The following CAMK1 variants were observed in gnomAD, a reference collection of about 807,000 sequenced individuals.
CAMK1 encodes calcium/calmodulin dependent protein kinase I.
CAMK1 carries 39 observed loss-of-function variants against 49.1 expected under a neutral mutation model. The ratio of observed to expected loss-of-function variants is 0.79; its 90% CI spans 0.62 to 1.04. The LOEUF (loss-of-function observed/expected upper bound fraction) is 1.04. Ranked by LOEUF, CAMK1 falls within the 50% of genes least tolerant of loss-of-function variation. CAMK1 has a pLI of 0.00. For synonymous variants in CAMK1, 192 were observed against 185.2 expected, an observed-to-expected ratio of 1.04 and a Z score of -0.30; for missense variants, 457 against 472.2, an observed-to-expected ratio of 0.97 and a Z score of 0.30.
At chr3:9,767,183 A>T (rs2078178498) in intron 2 of CAMK1, among the ~76,000 whole-genome samples, 1 of 152,198 alleles carries the variant, frequency 6.6e-6, no homozygotes, top group Non-Finnish European at 1.5e-5. Context: ...TCCCCCAGGC[A>T]GAAGGCACAG....
intron 3 of CAMK1, 105 bp from the exon 4 acceptor site, chr3:9,763,318 A>T: frequency 7.2e-7 from 1 of 1,385,792 alleles, no homozygotes; most frequent in Non-Finnish European, 1.0e-6. Context: ...ACTTGGCCCC[A>T]GCAGTTCAAA....
At chr3:9,764,636 T>G (rs1288336831) in intron 3 of CAMK1, among the ~76,000 whole-genome samples, 11 of 147,696 alleles carry the variant, frequency 7.4e-5, no homozygotes, top group East Asian at 2.0e-4. Context: ...TTGTTTTTTT[T>G]TTTTTTTTTG....
At chr3:9,767,271 G>A (rs2078179977) in intron 2 of CAMK1, among the ~76,000 whole-genome samples, 1 of 152,106 alleles carries the variant, frequency 6.6e-6, no homozygotes, top group Non-Finnish European at 1.5e-5. Context: ...ATTTTCTGTA[G>A]GTCTGTCTCT....
At chr3:9,760,486 G>T (rs1291732122) in intron 8 of CAMK1, 170 bp downstream of exon 8, 2 of 607,950 alleles carry the variant, frequency 3.3e-6, no homozygotes, top group Non-Finnish European at 5.9e-6. Context: ...CAAGCAGAAG[G>T]AAGTACCCAA....
At chr3:9,758,880 T>C in intron 10 of CAMK1, 1 of 362,874 alleles carries the variant, frequency 2.8e-6, no homozygotes, top group Admixed American at 3.9e-5. Context: ...TCCAACCACC[T>C]CGGCCTCCCA....
rs2077631973 is a variant in CAMK1 at position 9,757,455 on chromosome 3, G to A, written c.*84C>T. 6.2e-7 allele frequency: 1 copy of A among 1,603,658 alleles called. No homozygotes were observed. The highest frequency in any genetic ancestry group is 8.5e-7 in the Non-Finnish European group (1 of 1,173,348). On this transcript the variant is annotated 3_prime_UTR_variant, in exon 12 of 12. Transcript: ENST00000256460. The surrounding 1 kb of genome is among the most constrained non-coding windows in gnomAD (Gnocchi z 4.5). ...GCAGGTGAGGAGGGGACAGGGCAGA[G>A]AAACTCCCGGTTCAGGGAGGGAAGG... is the stretch of plus-strand genomic sequence containing the variant.
chr3:9,763,325 C>T, intron 3 of CAMK1, 112 bp from the exon 4 acceptor site: 1 of 1,250,528 alleles, frequency 8.0e-7, no homozygotes, highest in Non-Finnish European at 1.1e-6. Context: ...CCCAGCAGTT[C>T]AAAGCTGCAG....
chr3:9,760,181 T>A (rs1343563900), intron 8 of CAMK1: 1 of 194,890 alleles, frequency 5.1e-6, no homozygotes, highest in Non-Finnish European at 1.1e-5. Flanking sequence ...AGACAGAGGT[T>A]GCAGTGAGCC....
In CAMK1 at chr3:9,766,307, C is replaced by T. The variant is rs1575261031; in HGVS notation, c.84-417G>A. 6 of 697,864 alleles carry T rather than the reference C, an allele frequency of 8.6e-6. No homozygotes were observed. The East Asian group carries it at 1.4e-4, about 16-fold the overall frequency. The allele number at this position is 697,864 out of a possible 1,614,324, so 43.2% of individuals were successfully genotyped here. A position where few individuals can be genotyped will look rare whatever the true frequency, so the allele number is the denominator to read the frequency against. On this transcript the variant is annotated intron_variant, in intron 2 of 11. Transcript: ENST00000256460. ...CATTATGTGGCCCTCTGGATCCAGC[C>T]ATGCCTGAGGTCTACCCCTGGGCTT... is the stretch of plus-strand genomic sequence containing the variant.
rs752350819 is a variant in CAMK1 at position 9,759,482 on chromosome 3, A to T, written c.912+6T>A. The stretch of plus-strand genomic sequence containing the variant: ...GCTGGGACCAGAACTAGGGATATGG[A>T]CTCACCTTCCACTTGCTCTTGGCAA... On this transcript the variant is annotated splice_donor_region_variant and intron_variant, in intron 10 of 11. Coordinates refer to ENST00000256460, the MANE Select transcript of CAMK1 (RefSeq NM_003656.5). The T allele has an allele frequency of 6.2e-7, 1 of 1,613,908 alleles. No homozygotes were observed. The highest frequency in any genetic ancestry group is 8.5e-7 in the Non-Finnish European group (1 of 1,179,964).
In CAMK1 at chr3:9,757,355, T is replaced by G. The variant is rs771276510; in HGVS notation, c.*184A>C. On this transcript the variant is annotated 3_prime_UTR_variant, in exon 12 of 12. Coordinates refer to ENST00000256460, the MANE Select transcript of CAMK1 (RefSeq NM_003656.5). This position sits in a 1 kb window ranked among gnomAD's most constrained non-coding sequence, Gnocchi z 4.5. ...GGAGACAGCGCTAAGGATGGTTTTA[T>G]CTTCCCTTTATTACAAGAAGGAACA... The G allele has an allele frequency of 1.1e-5, 18 of 1,613,962 alleles. No homozygotes were observed. The highest frequency in any genetic ancestry group is 1.3e-5 in the African/African-American group (1 of 74,922).
intron 3 of CAMK1, 95 bp from the exon 4 acceptor site, chr3:9,763,308 A>G: frequency 1.3e-6 from 2 of 1,501,706 alleles, no homozygotes; most frequent in Non-Finnish European, 9.1e-7. Flanking sequence ...CAGGAGGATC[A>G]CTTGGCCCCA....
intron 10 of CAMK1, 93 bp downstream of exon 10, chr3:9,759,395 A>G: frequency 6.3e-7 from 1 of 1,577,964 alleles, no homozygotes; most frequent in Non-Finnish European, 8.7e-7. Flanking sequence ...CTGTGTGCCC[A>G]GTGTGATGCC....
chr3:9,760,993 C>A lies in CAMK1; in HGVS notation c.633-225G>T, dbSNP rs535413490. 1.2e-4 allele frequency: 66 copies of A among 557,778 alleles called. No homozygotes were observed. In the African/African-American group the frequency reaches 1.2e-3, roughly 10 times the overall value. The allele number at this position is 557,778 out of a possible 1,614,324, so 34.6% of individuals were successfully genotyped here. On this transcript the variant is annotated intron_variant, in intron 7 of 11. Coordinates refer to ENST00000256460, the MANE Select transcript of CAMK1 (RefSeq NM_003656.5). ...CTCAGGGCCTTTGCACTTGCCATTG[C>A]TTCTGCCTATGCCACTCTTTCCCCA...
intron 2 of CAMK1, 27 bp from the exon 3 acceptor site, chr3:9,765,917 G>A: frequency 6.2e-7 from 1 of 1,613,894 alleles, no homozygotes; most frequent in East Asian, 2.2e-5. Context: ...TTCACAAGGT[G>A]AAGAACTGGA....
intron 3 of CAMK1, 130 bp from the exon 4 acceptor site, chr3:9,763,343 T>C (rs530389184): frequency 7.2e-5 from 76 of 1,050,520 alleles, no homozygotes; most frequent in Admixed American, 2.5e-4. Context: ...CAGTCTGTTA[T>C]GATTGCACCT....
intron 1 of CAMK1, among the ~76,000 whole-genome samples, chr3:9,768,393 A>G (rs1163135139): frequency 6.6e-6 from 1 of 152,172 alleles, no homozygotes; most frequent in African/African-American, 2.4e-5. Flanking sequence ...GGAGCATGAG[A>G]AATGGTCCTG....
At chr3:9,765,961 C>T (rs1197389182) in intron 2 of CAMK1, 71 bp from the exon 3 acceptor site, 5 of 1,614,210 alleles carry the variant, frequency 3.1e-6, no homozygotes, top group Non-Finnish European at 4.2e-6. Flanking sequence ...CCTCCATTCC[C>T]TATGGGTTCT....
intron 10 of CAMK1, chr3:9,759,131 G>T (rs986137679): frequency 1.4e-6 from 2 of 1,414,964 alleles, no homozygotes; most frequent in Non-Finnish European, 2.0e-6. Flanking sequence ...TGCACTTCCC[G>T]GAATGGCTAT....
Sources: gnomAD v4.1 joint callset for allele counts (sites outside exome capture counted in the v4.1 genomes callset) on GRCh38, gnomAD v4.1.1 for gene constraint, Gnocchi (gnomAD v3.1) non-coding constraint, MANE v1.5 for transcripts, NCBI Gene and HGNC (gene_info 2026-07-23, HGNC 2026-07-21) for gene names.